Variants in FIGLA observed in about 807,000 individuals in gnomAD.
FIGLA encodes folliculogenesis specific bHLH transcription factor, also known as factor in the germline alpha.
A neutral mutation model predicts 21.5 loss-of-function variants in FIGLA; 17 were observed. The ratio of observed to expected loss-of-function variants is 0.79; its 90% CI spans 0.54 to 1.19. The LOEUF is 1.19. FIGLA is among the 50% of genes most tolerant of loss of function. The pLI, the probability that FIGLA is intolerant of heterozygous loss-of-function variation, is 0.00. For synonymous variants in FIGLA, 129 were observed against 117.6 expected (o/e 1.10, Z -0.63); for missense variants, 282 against 285.0 (o/e 0.99, Z 0.08).
chr2:70,777,762 A>G, intron 3 of FIGLA, 91 bp from the exon 4 acceptor site: 1 of 619,858 alleles, frequency 1.6e-6, no homozygotes, highest in South Asian at 2.9e-5. Context: ...ATAGTGGCCA[A>G]CAGTAAAAAA....
Position 70,785,415 on chromosome 2 carries a change from C to G in FIGLA, c.609G>C (p.Leu203=), listed in dbSNP as rs782651682. ...GGGTATTTAAGAAGGAATATTTTAC[C>G]AGACTTCTGGTTGGGGAGATAATTT... ...TTEIISPTRS[L]DRFPEVELLS... is the part of the protein sequence containing the mutation. The change falls in exon 3 of 5, where the codon CTG becomes CTC. Residue 203 remains leucine, a splice_region_variant and synonymous_variant. Transcript: ENST00000332372. 7 of 1,607,018 alleles carry G rather than the reference C, an allele frequency of 4.4e-6. No homozygotes were observed. The East Asian group carries it at 1.6e-4, about 36-fold the overall frequency.
At chr2:70,787,993 G>A (rs1210050533) in intron 1 of FIGLA, among the ~76,000 whole-genome samples, 192 bp from the exon 2 acceptor site, 2 of 152,292 alleles carry the variant, frequency 1.3e-5, no homozygotes, top group African/African-American at 4.8e-5. Context: ...GCATAAACTT[G>A]GTACTATGGG....
chr2:70,785,334 C>A, intron 3 of FIGLA, 81 bp downstream of exon 3: 1 of 1,148,074 alleles, frequency 8.7e-7, no homozygotes, highest in Non-Finnish European at 1.3e-6. Context: ...CATGTTTTAG[C>A]ATGGAAAAAT....
At chr2:70,788,576 C>T (rs1474602235) in intron 1 of FIGLA, among the ~76,000 whole-genome samples, 1 of 152,116 alleles carries the variant, frequency 6.6e-6, no homozygotes, top group Non-Finnish European at 1.5e-5. Context: ...TGCCACAAAG[C>T]CAATATATAT....
At chr2:70,781,066 T>C (rs1675847179) in intron 3 of FIGLA, among the ~76,000 whole-genome samples, 1 of 151,980 alleles carries the variant, frequency 6.6e-6, no homozygotes, top group South Asian at 2.1e-4. Context: ...CTGAGCTGAG[T>C]AGGCCAGGCA....
chr2:70,789,727 T>A (rs376707262), intron 1 of FIGLA, among the ~76,000 whole-genome samples: 3 of 152,156 alleles, frequency 2.0e-5, no homozygotes, highest in Non-Finnish European at 4.4e-5. Flanking sequence ...AAGGAGACCA[T>A]GTCTCCCAAG....
intron 3 of FIGLA, among the ~76,000 whole-genome samples, chr2:70,783,249 A>G (rs1469749383): frequency 6.6e-6 from 1 of 152,150 alleles, no homozygotes; most frequent in Non-Finnish European, 1.5e-5. Flanking sequence ...TCATTCTACA[A>G]ATTAGCACTC....
At chr2:70,783,938 C>G (rs1247797042) in intron 3 of FIGLA, among the ~76,000 whole-genome samples, 1 of 152,114 alleles carries the variant, frequency 6.6e-6, no homozygotes, top group Non-Finnish European at 1.5e-5. Context: ...GATCCGCCCA[C>G]CTCGGCCTCC....
chr2:70,783,065 A>G (rs998470469), intron 3 of FIGLA, among the ~76,000 whole-genome samples: 11 of 152,240 alleles, frequency 7.2e-5, no homozygotes, highest in Non-Finnish European at 1.6e-4. Context: ...TCAAAAAAAA[A>G]AAAAAAAAAA....
At position 70,787,665 on chromosome 2, in the gene FIGLA, C is replaced by G; in HGVS notation, c.368G>C (p.Gly123Ala). The change falls in exon 2 of 5, where the codon GGA becomes GCA. Residue 123 changes from glycine (G) to alanine (A), a missense_variant. Transcript: ENST00000332372. ...YIQVLSDLLE[G>A]AKDSKKQDPD... ...CACCTTTACCTTTGAGTCTTTGGCT[C>G]CTTCCAAAAGATCACTGAGAACCTG... 6.4e-7 allele frequency: 1 copy of G among 1,573,306 alleles called. No homozygotes were observed. The highest frequency in any genetic ancestry group is 8.6e-7 in the Non-Finnish European group (1 of 1,158,576).
intron 1 of FIGLA, 35 bp downstream of exon 1, chr2:70,790,372 AG>A: frequency 6.7e-7 from 1 of 1,489,944 alleles, no homozygotes; most frequent in Non-Finnish European, 9.0e-7. Context: ...AGAGCAGGGA[AG>A]GGGGGAACGG....
rs782084599 is a variant in FIGLA, at chr2:70,777,591, T to C, written c.644+46A>G. ...ATTAGCACTCTTATTATACAGCCAG[T>C]GGTGTTATAAATTGGCACTATGCAT... On this transcript the variant is annotated intron_variant, in intron 4 of 4. Coordinates refer to ENST00000332372, the MANE Select transcript of FIGLA (RefSeq NM_001004311.3). The C allele has an allele frequency of 2.5e-6, 4 of 1,589,548 alleles. No homozygotes were observed. The Admixed American group carries it at 5.3e-5, about 21-fold the overall frequency.
chr2:70,790,499 T>C lies in FIGLA; in HGVS notation c.140A>G (p.Lys47Arg). The change falls in exon 1 of 5, where the codon AAG becomes AGG. Residue 47 changes from lysine (K) to arginine (R), a missense_variant. Physicochemically the swap from Lys to Arg is conservative, Grantham distance 26. Transcript: ENST00000332372. Reference sequence around the variant, plus strand: ...CGAGTAGCCGCCCGAGGGCAGCCGCTTGAGCCGGCAGACAGCGGCCAGCTG... The same window carrying C: ...CGAGTAGCCGCCCGAGGGCAGCCGCCTGAGCCGGCAGACAGCGGCCAGCTG... ...LPQLAAVCRL[K>R]RLPSGGYSST... 6.5e-7 allele frequency: 1 copy of C among 1,543,232 alleles called. No individual in the cohort carries two copies.
chr2:70,789,156 T>TTATATATA, intron 1 of FIGLA, among the ~76,000 whole-genome samples: 1 of 150,204 alleles, frequency 6.7e-6, no homozygotes, highest in South Asian at 2.1e-4. Flanking sequence ...TTTGTAAAAA[T>TTATATATA]TATATATATA....
rs782438009 is a variant in FIGLA, at chr2:70,785,425, G to A, written c.599C>T (p.Thr200Ile). The change falls in exon 3 of 5, where the codon ACC becomes ATC. Residue 200 changes from threonine (T) to isoleucine (I), a missense_variant. Transcript: ENST00000332372. Reference sequence around the variant, plus strand: ...GAAGGAATATTTTACCAGACTTCTGGTTGGGGAGATAATTTCAGTCGTAGA... The same window carrying A: ...GAAGGAATATTTTACCAGACTTCTGATTGGGGAGATAATTTCAGTCGTAGA... Reference protein sequence around the residue: ...VMSTTEIISPTRSLDRFPEVE... With the variant: ...VMSTTEIISPIRSLDRFPEVE... 16 of 1,610,792 alleles carry A rather than the reference G, an allele frequency of 9.9e-6. No individual in the cohort carries two copies. The highest frequency in any genetic ancestry group is 1.3e-5 in the Non-Finnish European group (15 of 1,177,218).
Position 70,787,815 on chromosome 2 carries a change from A to C in FIGLA, c.232-14T>G. On this transcript the variant is annotated splice_polypyrimidine_tract_variant and intron_variant, in intron 1 of 4. Transcript: ENST00000332372. ...GAGATTTTTTATCTAGAAAACAAAA[A>C]GGCACAGTAACACACAGAGAAGCCA... 6.2e-7 allele frequency: 1 copy of C among 1,611,124 alleles called. No individual in the cohort carries two copies. The highest frequency in any genetic ancestry group is 1.3e-5 in the African/African-American group (1 of 74,824).
In FIGLA at chr2:70,790,486, C is replaced by T; in HGVS notation, c.153G>A (p.Ser51=). Reference sequence around the variant, plus strand: ...GGTTTTCAGTGGACGAGTAGCCGCCCGAGGGCAGCCGCTTGAGCCGGCAGA... The same window carrying T: ...GGTTTTCAGTGGACGAGTAGCCGCCTGAGGGCAGCCGCTTGAGCCGGCAGA... ...AAVCRLKRLP[S]GGYSSTENLQ... is the part of the protein sequence containing the mutation. Residue 51 remains serine, a synonymous_variant, in exon 1 of 5, where the codon TCG becomes TCA. Transcript: ENST00000332372. 3 of 1,543,708 alleles carry T rather than the reference C, an allele frequency of 1.9e-6. No individual in the cohort carries two copies. The highest frequency in any genetic ancestry group is 2.6e-6 in the Non-Finnish European group (3 of 1,146,184).
intron 3 of FIGLA, among the ~76,000 whole-genome samples, chr2:70,782,020 C>A (rs1230449403): frequency 3.3e-5 from 5 of 152,182 alleles, no homozygotes; most frequent in Non-Finnish European, 7.3e-5. Context: ...ATGCACAGCA[C>A]TTTTCTGTAC....
At chr2:70,780,533 G>A (rs147286269) in intron 3 of FIGLA, among the ~76,000 whole-genome samples, 11 of 152,194 alleles carry the variant, frequency 7.2e-5, no homozygotes, top group African/African-American at 2.6e-4. Flanking sequence ...TCACTTCCTT[G>A]GACCCTTTTT....
Sources: gnomAD v4.1 joint callset for allele counts (sites outside exome capture counted in the v4.1 genomes callset) on GRCh38, gnomAD v4.1.1 for gene constraint, MANE v1.5 for transcripts, NCBI Gene and HGNC (gene_info 2026-07-23, HGNC 2026-07-21) for gene names.